Variants in WWOX observed in about 807,000 individuals in gnomAD.
WWOX encodes the protein WW domain-containing oxidoreductase.
WWOX carries 69 observed loss-of-function variants against 46.2 expected under a neutral mutation model. That is an observed-to-expected ratio of 1.49 (90% CI 1.23 to 1.82). The LOEUF (loss-of-function observed/expected upper bound fraction) is 1.82, where lower values mean the gene tolerates loss of function less well. Among genes scored for constraint, WWOX ranks in the 40% most tolerant of loss-of-function variants. WWOX has a pLI of 0.00. For synonymous variants in WWOX, 359 were observed against 202.6 expected, an observed-to-expected ratio of 1.77 and a Z score of -6.56; for missense variants, 919 against 542.6, an observed-to-expected ratio of 1.69 and a Z score of -6.89.
chr16:78,562,506 CT>C (rs2044463507), intron 8 of WWOX, among the ~76,000 whole-genome samples: 4 of 152,328 alleles, frequency 2.6e-5, no homozygotes, highest in Admixed American at 2.6e-4. Flanking sequence ...GGTACCCATT[CT>C]GCACTTGTTG....
At chr16:79,105,705 C>T (rs890386755) in intron 8 of WWOX, among the ~76,000 whole-genome samples, 3 of 150,264 alleles carry the variant, frequency 2.0e-5, no homozygotes, top group African/African-American at 7.4e-5. Flanking sequence ...CTCTGTCACT[C>T]AGGCTGGAGT....
intron 8 of WWOX, among the ~76,000 whole-genome samples, chr16:78,582,252 C>T (rs959638434): frequency 6.6e-6 from 1 of 152,142 alleles, no homozygotes; most frequent in Non-Finnish European, 1.5e-5. Context: ...AGGTAAAAAT[C>T]AAGTAAGATC....
intron 8 of WWOX, among the ~76,000 whole-genome samples, chr16:78,749,540 G>C (rs2049428322): frequency 6.6e-6 from 1 of 152,054 alleles, no homozygotes; most frequent in Admixed American, 6.6e-5. Flanking sequence ...TTTTACCCTA[G>C]GGCTATGCAA....
chr16:78,495,973 C>T (rs7206439), intron 8 of WWOX: 112,869 of 152,102 alleles, frequency 0.74, 44,266 homozygotes, highest in Admixed American at 0.86. Flanking sequence ...CATCTTTAAA[C>T]GGATAACCAC....
intron 5 of WWOX, among the ~76,000 whole-genome samples, chr16:78,276,996 T>G (rs764491626): frequency 2.6e-5 from 4 of 152,190 alleles, no homozygotes; most frequent in African/African-American, 4.8e-5. Flanking sequence ...GATAAGGAAC[T>G]TATTATTAAT....
chr16:78,795,090 G>A (rs1437097173), intron 8 of WWOX, among the ~76,000 whole-genome samples: 2 of 152,130 alleles, frequency 1.3e-5, no homozygotes, highest in South Asian at 2.1e-4. Flanking sequence ...TCCTGTTTTC[G>A]AGGGTGGTGT....
At chr16:79,080,148 G>C (rs1224035251) in intron 8 of WWOX, among the ~76,000 whole-genome samples, 3 of 152,174 alleles carry the variant, frequency 2.0e-5, no homozygotes, top group Non-Finnish European at 4.4e-5. Context: ...AGCCAAGGAG[G>C]AAGAGTGGGT....
intron 8 of WWOX, among the ~76,000 whole-genome samples, chr16:79,199,211 C>T (rs189657762): frequency 7.2e-5 from 11 of 152,258 alleles, no homozygotes; most frequent in South Asian, 6.2e-4. Flanking sequence ...TACAGGTGTG[C>T]GCCACCACGC....
chr16:78,585,143 C>T (rs140928712), intron 8 of WWOX, among the ~76,000 whole-genome samples: 1 of 152,340 alleles, frequency 6.6e-6, no homozygotes, highest in African/African-American at 2.4e-5. Flanking sequence ...AATTCAGCGT[C>T]AGATGTACAA....
At chr16:79,086,720 A>G (rs545074375) in intron 8 of WWOX, among the ~76,000 whole-genome samples, 2 of 152,142 alleles carry the variant, frequency 1.3e-5, no homozygotes, top group African/African-American at 4.8e-5. Flanking sequence ...GTCTCTACAA[A>G]AAATAAAAAG....
chr16:78,650,989 G>C (rs2046953696), intron 8 of WWOX, among the ~76,000 whole-genome samples: 1 of 152,226 alleles, frequency 6.6e-6, no homozygotes, highest in African/African-American at 2.4e-5. Context: ...GGATTCGTAA[G>C]CTTAGGACTG....
chr16:79,002,369 G>A (rs901212283), intron 8 of WWOX, among the ~76,000 whole-genome samples: 1 of 151,806 alleles, frequency 6.6e-6, no homozygotes, highest in African/African-American at 2.4e-5. Context: ...GATAACAGGT[G>A]CACACCACCA....
At chr16:78,434,356 C>T (rs569908486) in intron 8 of WWOX, among the ~76,000 whole-genome samples, 1 of 152,284 alleles carries the variant, frequency 6.6e-6, no homozygotes, top group African/African-American at 2.4e-5. Context: ...ATCTCCCCAT[C>T]ACTTTGCTCC....
At chr16:78,393,028 C>T (rs540842310) in intron 6 of WWOX, among the ~76,000 whole-genome samples, 1 of 152,120 alleles carries the variant, frequency 6.6e-6, no homozygotes, top group Non-Finnish European at 1.5e-5. Context: ...CTGGAAAGTT[C>T]CAAACCAAAG....
chr16:79,188,735 C>T (rs778084735), intron 8 of WWOX, among the ~76,000 whole-genome samples: 1 of 152,210 alleles, frequency 6.6e-6, no homozygotes, highest in Non-Finnish European at 1.5e-5. Flanking sequence ...AAGCGAATTG[C>T]CACCTTTATT....
intron 8 of WWOX, among the ~76,000 whole-genome samples, chr16:78,849,734 G>A (rs1469100940): frequency 6.6e-6 from 1 of 151,974 alleles, no homozygotes; most frequent in Admixed American, 6.6e-5. Context: ...CAAAGGGCGA[G>A]GTTTATATTG....
intron 8 of WWOX, among the ~76,000 whole-genome samples, chr16:78,450,444 A>C (rs2083665048): frequency 6.6e-6 from 1 of 152,204 alleles, no homozygotes; most frequent in Non-Finnish European, 1.5e-5. Context: ...AAACAGTCAG[A>C]GTGTCCAAGT....
At position 78,559,840 on chromosome 16, in the gene WWOX, A is replaced by C. The variant is rs557160883; in HGVS notation, c.1056+127088A>C. Among the ~76,000 whole-genome samples the C allele has an allele frequency of 1.5e-4, 23 of 152,304 alleles. No individual in the cohort carries two copies. In the East Asian group the frequency reaches 3.3e-3, roughly 22 times the overall value. On this transcript the variant is annotated intron_variant, in intron 8 of 8. Transcript: ENST00000566780. ...GACCTCAAGTGAACAGGCACAAAAC[A>C]ACAGGCTCCACCCTCCTTCCCCCCT...
intron 8 of WWOX, among the ~76,000 whole-genome samples, chr16:78,647,170 C>T (rs186661996): frequency 2.8e-4 from 42 of 152,290 alleles, no homozygotes; most frequent in African/African-American, 9.6e-4. Flanking sequence ...CTTGAATCAG[C>T]CTCTGGGAAT....
Sources: gnomAD v4.1 joint callset for allele counts (sites outside exome capture counted in the v4.1 genomes callset) on GRCh38, gnomAD v4.1.1 for gene constraint, MANE v1.5 for transcripts, NCBI Gene and HGNC (gene_info 2026-07-23, HGNC 2026-07-21) for gene names.